Variants in SAE1 observed in about 807,000 individuals in gnomAD.
SAE1 encodes the protein SUMO1 activating enzyme subunit 1.
Under a neutral mutation model 40.6 loss-of-function variants are expected in SAE1, and 11 were observed. That is an observed-to-expected ratio of 0.27 (90% confidence interval 0.17 to 0.45). SAE1 has a LOEUF of 0.45. SAE1 is among the 20% of genes least tolerant of loss of function. SAE1 has a pLI of 1.00. For missense variants in SAE1, 373 were observed against 427.3 expected (o/e 0.87, Z 1.12); for synonymous variants, 155 against 154.3 (o/e 1.00, Z -0.03).
chr19:47,131,841 T>TA (rs1249190055), intron 1 of SAE1, among the ~76,000 whole-genome samples: 1 of 150,322 alleles, frequency 6.7e-6, no homozygotes, highest in African/African-American at 2.4e-5. Flanking sequence ...GCTGGGATTA[T>TA]AGGGGCCCGC....
At chr19:47,169,678 T>A in intron 5 of SAE1, 140 bp from the exon 6 acceptor site, 1 of 675,446 alleles carries the variant, frequency 1.5e-6, no homozygotes, top group South Asian at 1.7e-5. Context: ...TAAGCATTTC[T>A]TGGATCAAAT....
intron 7 of SAE1, among the ~76,000 whole-genome samples, chr19:47,200,579 G>A (rs1335509854): frequency 1.3e-5 from 2 of 151,900 alleles, no homozygotes; most frequent in African/African-American, 4.8e-5. Flanking sequence ...TCACTCTGCT[G>A]CCCAGGCTGT....
chr19:47,137,449 G>A (rs2058187571), intron 1 of SAE1, among the ~76,000 whole-genome samples: 1 of 152,112 alleles, frequency 6.6e-6, no homozygotes. Context: ...AGATTTGGTT[G>A]CTTAAATTGA....
intron 1 of SAE1, among the ~76,000 whole-genome samples, chr19:47,138,940 G>C (rs1376369860): frequency 1.3e-5 from 2 of 152,186 alleles, no homozygotes; most frequent in Non-Finnish European, 2.9e-5. Context: ...CTCTAAGGAG[G>C]TGACAATTGA....
chr19:47,204,990 T>A (rs1033635787), intron 8 of SAE1, among the ~76,000 whole-genome samples: 1 of 152,202 alleles, frequency 6.6e-6, no homozygotes, highest in Non-Finnish European at 1.5e-5. Flanking sequence ...CACAGCCTTT[T>A]GAGGGTCTTC....
intron 6 of SAE1, among the ~76,000 whole-genome samples, chr19:47,171,950 C>T (rs1220456639): frequency 6.6e-6 from 1 of 151,884 alleles, no homozygotes; most frequent in Admixed American, 6.6e-5. Flanking sequence ...GACGGAGTCT[C>T]ACTCTGTCAC....
Position 47,130,849 on chromosome 19 carries a change from G to T in SAE1, c.-82G>T. The stretch of plus-strand genomic sequence containing the variant: ...TGCGCAGAAGCACTCCGGGCGTGCT[G>T]CCGGCGGCGGTAGGTGGCGCGCGGG... On this transcript the variant is annotated 5_prime_UTR_variant, in exon 1 of 9. Transcript: ENST00000270225. 6.5e-7 allele frequency: 1 copy of T among 1,541,500 alleles called. No individual in the cohort carries two copies. Among genetic ancestry groups the T allele is most frequent in the Non-Finnish European group, 8.7e-7 (1 of 1,143,480 alleles).
At chr19:47,177,773 G>A (rs2058479123) in intron 6 of SAE1, among the ~76,000 whole-genome samples, 1 of 152,170 alleles carries the variant, frequency 6.6e-6, no homozygotes, top group African/African-American at 2.4e-5. Flanking sequence ...GAGTTGTGAA[G>A]TCTTGACAGA....
chr19:47,197,212 C>A (rs745494450), intron 6 of SAE1, 21 bp from the exon 7 acceptor site: 3 of 1,581,548 alleles, frequency 1.9e-6, no homozygotes, highest in Non-Finnish European at 2.6e-6. Flanking sequence ...TTATAACCTG[C>A]CTTCTTTTTC....
chr19:47,144,513 C>T (rs1255002711), intron 2 of SAE1, among the ~76,000 whole-genome samples: 1 of 151,718 alleles, frequency 6.6e-6, no homozygotes, highest in Admixed American at 6.6e-5. Flanking sequence ...TCCTGGCTAG[C>T]ACGGTGAAAC....
At chr19:47,186,875 A>C (rs1205810891) in intron 6 of SAE1, among the ~76,000 whole-genome samples, 1 of 152,182 alleles carries the variant, frequency 6.6e-6, no homozygotes, top group Non-Finnish European at 1.5e-5. Context: ...AGAGAAAGAC[A>C]TGAAAGTACT....
At chr19:47,193,567 A>G (rs1476060424) in intron 6 of SAE1, among the ~76,000 whole-genome samples, 1 of 151,334 alleles carries the variant, frequency 6.6e-6, no homozygotes, top group African/African-American at 2.4e-5. Context: ...CACGCCTGTA[A>G]TTCCAGCACT....
intron 6 of SAE1, among the ~76,000 whole-genome samples, chr19:47,189,232 T>A (rs979068222): frequency 1.3e-5 from 2 of 152,186 alleles, no homozygotes; most frequent in African/African-American, 4.8e-5. Flanking sequence ...ATTACCAGGC[T>A]GTTTCCAGAG....
At chr19:47,145,759 A>G (rs1394885327) in intron 2 of SAE1, among the ~76,000 whole-genome samples, 1 of 152,042 alleles carries the variant, frequency 6.6e-6, no homozygotes, top group African/African-American at 2.4e-5. Flanking sequence ...CCAACATTGG[A>G]GGCCAATCAC....
intron 6 of SAE1, among the ~76,000 whole-genome samples, chr19:47,196,365 T>TTTTTTTTTTTTTTTTTTTTTTTTTTC: frequency 1.1e-5 from 1 of 93,034 alleles, no homozygotes; most frequent in Non-Finnish European, 2.1e-5. Context: ...TTTTTTTTTT[T>TTTTTTTTTTTTTTTTTTTTTTTTTTC]TTAATTTTAC....
chr19:47,157,760 C>G (rs988676520), intron 5 of SAE1, among the ~76,000 whole-genome samples: 4 of 152,180 alleles, frequency 2.6e-5, no homozygotes, highest in African/African-American at 9.7e-5. Flanking sequence ...CATTGTTAGT[C>G]AGCTGTTACA....
chr19:47,178,342 G>C (rs2058483711), intron 6 of SAE1, among the ~76,000 whole-genome samples: 1 of 152,156 alleles, frequency 6.6e-6, no homozygotes, highest in South Asian at 2.1e-4. Context: ...ACTGAATCCA[G>C]ATAGCTAGGA....
At chr19:47,163,719 T>G (rs1447239885) in intron 5 of SAE1, among the ~76,000 whole-genome samples, 1 of 149,624 alleles carries the variant, frequency 6.7e-6, no homozygotes, top group African/African-American at 2.6e-5. Context: ...AGAGCAAGAC[T>G]CTATCTCAAA....
chr19:47,189,273 G>A (rs1442182713), intron 6 of SAE1, among the ~76,000 whole-genome samples: 1 of 151,996 alleles, frequency 6.6e-6, no homozygotes, highest in Non-Finnish European at 1.5e-5. Flanking sequence ...GAGCCAACCT[G>A]GGGGCTGGGC....
Sources: gnomAD v4.1 joint callset for allele counts (sites outside exome capture counted in the v4.1 genomes callset) on GRCh38, gnomAD v4.1.1 for gene constraint, MANE v1.5 for transcripts, NCBI Gene and HGNC (gene_info 2026-07-23, HGNC 2026-07-21) for gene names.